Variants in FSIP1 observed in about 807,000 individuals in gnomAD.
The protein encoded by FSIP1 is fibrous sheath-interacting protein 1.
In FSIP1, 65 loss-of-function variants were observed where a neutral mutation model predicts 60.9. The observed-to-expected ratio is 1.07, with a 90% CI of 0.87 to 1.31. FSIP1 has a LOEUF of 1.31. FSIP1 is among the 40% of genes most tolerant of loss of function. The pLI is 0.00. For synonymous variants in FSIP1, 209 were observed against 221.2 expected (o/e 0.94, Z 0.49); for missense variants, 675 against 665.5 (o/e 1.01, Z -0.16).
downstream of FSIP1, chr15:39,598,352 C>CA (rs1890526224): frequency 6.6e-6 from 1 of 152,046 alleles, no homozygotes; most frequent in African/African-American, 2.4e-5. Context: ...TGTAAATTGC[C>CA]AAATCATTTT....
intron 10 of FSIP1, among the ~76,000 whole-genome samples, chr15:39,628,071 C>T (rs1023346663): frequency 1.3e-5 from 2 of 152,206 alleles, no homozygotes; most frequent in Non-Finnish European, 2.9e-5. Flanking sequence ...CTGTCAACGC[C>T]ATAGGAGATA....
At chr15:39,603,717 T>TA (rs556783511) in intron 11 of FSIP1, among the ~76,000 whole-genome samples, 33 of 152,186 alleles carry the variant, frequency 2.2e-4, no homozygotes, top group Non-Finnish European at 3.4e-4. Flanking sequence ...GTATCTTCGT[T>TA]AAAAAGAAAT....
At chr15:39,603,879 A>G (rs1890729952) in intron 11 of FSIP1, among the ~76,000 whole-genome samples, 1 of 152,214 alleles carries the variant, frequency 6.6e-6, no homozygotes, top group South Asian at 2.1e-4. Context: ...ACATGCACAC[A>G]AATCACCTGC....
chr15:39,637,186 C>T (rs73393226), intron 10 of FSIP1, among the ~76,000 whole-genome samples: 1,894 of 152,320 alleles, frequency 0.012, 38 homozygotes, highest in African/African-American at 0.043. Context: ...CAGCTTCCCC[C>T]AATTTTTCTG....
At chr15:39,645,948 G>T (rs1892586320) in intron 10 of FSIP1, among the ~76,000 whole-genome samples, 1 of 152,196 alleles carries the variant, frequency 6.6e-6, no homozygotes, top group Non-Finnish European at 1.5e-5. Context: ...AACACTGGGG[G>T]CCGGGCTGCC....
intron 2 of FSIP1, among the ~76,000 whole-genome samples, chr15:39,772,959 TACCTCATGAA>T (rs1897939303): frequency 6.6e-6 from 1 of 152,014 alleles, no homozygotes; most frequent in Non-Finnish European, 1.5e-5. Flanking sequence ...GAAACGCAAA[TACCTCATGAA>T]ACCCCTTACT....
intron 9 of FSIP1, among the ~76,000 whole-genome samples, chr15:39,723,430 C>T (rs183895620): frequency 1.3e-5 from 2 of 152,296 alleles, no homozygotes; most frequent in Non-Finnish European, 2.9e-5. Flanking sequence ...GGGATTTCAC[C>T]ATGTTAGCCA....
chr15:39,776,846 T>C (rs1238686694), intron 1 of FSIP1, among the ~76,000 whole-genome samples: 2 of 152,144 alleles, frequency 1.3e-5, no homozygotes, highest in African/African-American at 4.8e-5. Context: ...GTCCCTGGTC[T>C]TCCCCGAGGG....
intron 10 of FSIP1, among the ~76,000 whole-genome samples, chr15:39,652,082 C>T (rs1566870095): frequency 6.6e-6 from 1 of 152,166 alleles, no homozygotes; most frequent in African/African-American, 2.4e-5. Flanking sequence ...ATGTCAATAA[C>T]CAGCTGTGTG....
At chr15:39,655,539 A>G (rs1893036489) in intron 10 of FSIP1, among the ~76,000 whole-genome samples, 1 of 152,320 alleles carries the variant, frequency 6.6e-6, no homozygotes, top group African/African-American at 2.4e-5. Flanking sequence ...ACATTTATTG[A>G]ATGCCCACTA....
At chr15:39,611,744 A>G (rs191652109) in intron 11 of FSIP1, among the ~76,000 whole-genome samples, 78 of 152,324 alleles carry the variant, frequency 5.1e-4, no homozygotes, top group Admixed American at 1.1e-3. Flanking sequence ...AAATAGTAAT[A>G]AAAGGCCAAC....
intron 1 of FSIP1, among the ~76,000 whole-genome samples, chr15:39,781,996 G>A (rs753791790): frequency 1.3e-5 from 2 of 152,158 alleles, no homozygotes; most frequent in African/African-American, 4.8e-5. Flanking sequence ...TAATATATTT[G>A]TGCCAATCTT....
At chr15:39,737,528 G>T (rs1483727916) in intron 8 of FSIP1, among the ~76,000 whole-genome samples, 12 of 152,060 alleles carry the variant, frequency 7.9e-5, no homozygotes, top group Admixed American at 7.9e-4. Flanking sequence ...CACATCACAG[G>T]AAGAAGTTAC....
At chr15:39,734,615 T>A (rs932443155) in intron 8 of FSIP1, among the ~76,000 whole-genome samples, 6 of 152,192 alleles carry the variant, frequency 3.9e-5, no homozygotes, top group Non-Finnish European at 8.8e-5. Context: ...AATACGCATT[T>A]TAATGTATTT....
At chr15:39,628,175 C>G (rs1891722473) in intron 10 of FSIP1, among the ~76,000 whole-genome samples, 1 of 152,072 alleles carries the variant, frequency 6.6e-6, no homozygotes, top group Non-Finnish European at 1.5e-5. Context: ...GAGTACTGTC[C>G]AAGAAGGCAA....
intron 10 of FSIP1, among the ~76,000 whole-genome samples, chr15:39,644,562 T>G (rs1363351526): frequency 6.6e-6 from 1 of 152,200 alleles, no homozygotes; most frequent in African/African-American, 2.4e-5. Flanking sequence ...CATGATTTGC[T>G]TTATGGTCTC....
chr15:39,742,016 C>A, intron 5 of FSIP1, 116 bp from the exon 6 acceptor site: 1 of 576,236 alleles, frequency 1.7e-6, no homozygotes, highest in East Asian at 2.9e-5. Flanking sequence ...TCAGTCCCCT[C>A]CACACACATA....
intron 9 of FSIP1, among the ~76,000 whole-genome samples, chr15:39,715,989 G>A (rs182188116): frequency 1.3e-5 from 2 of 152,306 alleles, no homozygotes; most frequent in African/African-American, 4.8e-5. Context: ...ACAGCCTGCA[G>A]AACCGCGAGC....
chr15:39,755,922 T>C (rs1282921203), intron 5 of FSIP1, among the ~76,000 whole-genome samples: 2 of 152,126 alleles, frequency 1.3e-5, no homozygotes, highest in African/African-American at 2.4e-5. Flanking sequence ...ATTCATTAGA[T>C]AAATGATAGA....
Sources: gnomAD v4.1 joint callset for allele counts (sites outside exome capture counted in the v4.1 genomes callset) on GRCh38, gnomAD v4.1.1 for gene constraint, MANE v1.5 for transcripts, NCBI Gene and HGNC (gene_info 2026-07-23, HGNC 2026-07-21) for gene names.